The following ATP8A2 variants were observed in gnomAD, a reference collection of about 807,000 sequenced individuals.
ATP8A2 encodes the protein ATPase phospholipid transporting 8A2.
Under a neutral mutation model 165.6 loss-of-function variants are expected in ATP8A2, and 100 were observed. The observed-to-expected ratio is 0.60, with a 90% CI of 0.51 to 0.71. The LOEUF (loss-of-function observed/expected upper bound fraction) is 0.71, where lower values mean the gene tolerates loss of function less well. Among genes scored for constraint, ATP8A2 ranks in the 30% least tolerant of loss-of-function variants. The pLI is 0.00. For synonymous variants in ATP8A2, 543 were observed against 548.8 expected, an observed-to-expected ratio of 0.99 and a Z score of 0.15; for missense variants, 1,227 against 1,479.5, an observed-to-expected ratio of 0.83 and a Z score of 2.80.
chr13:26,001,427 G>C (rs1317497962), intron 35 of ATP8A2, among the ~76,000 whole-genome samples: 1 of 152,190 alleles, frequency 6.6e-6, no homozygotes, highest in East Asian at 1.9e-4. Flanking sequence ...AGATAATTCT[G>C]TGTCTAACTT....
intron 1 of ATP8A2, among the ~76,000 whole-genome samples, chr13:25,423,103 G>A (rs2034346941): frequency 1.3e-5 from 2 of 152,106 alleles, no homozygotes; most frequent in South Asian, 4.1e-4. Flanking sequence ...CATCATGACG[G>A]AAGGCATCAA....
chr13:25,534,785 T>A (rs1396621319), intron 6 of ATP8A2, among the ~76,000 whole-genome samples: 2 of 152,192 alleles, frequency 1.3e-5, no homozygotes, highest in African/African-American at 4.8e-5. Context: ...TTAAGGAGTT[T>A]CAAACTTCAG....
chr13:25,384,057 T>G (rs1235606388), intron 1 of ATP8A2, among the ~76,000 whole-genome samples: 3 of 152,172 alleles, frequency 2.0e-5, no homozygotes, highest in Non-Finnish European at 4.4e-5. Flanking sequence ...CTAAAAACGC[T>G]TTCATGTCAT....
rs376260478 is a variant in ATP8A2, at chr13:25,541,472, A to G, written c.652-447A>G. On this transcript the variant is annotated intron_variant, in intron 8 of 36. Coordinates refer to ENST00000381655, the MANE Select transcript of ATP8A2 (RefSeq NM_016529.6). ...CAGGATTTTGAGCCTTCAGTGAACC[A>G]TGATTGCACCACTGCCCTCCAGCCT... Among the ~76,000 whole-genome samples the G allele has an allele frequency of 1.3e-4, 20 of 152,248 alleles. No individual in the cohort carries two copies. In the East Asian group the frequency reaches 3.5e-3, roughly 27 times the overall value.
At chr13:25,928,528 C>T (rs1234135516) in intron 33 of ATP8A2, among the ~76,000 whole-genome samples, 2 of 152,092 alleles carry the variant, frequency 1.3e-5, no homozygotes, top group African/African-American at 2.4e-5. Flanking sequence ...CACGCAAATT[C>T]GAAAGCCAAC....
At chr13:25,508,416 C>T (rs1398666189) in intron 2 of ATP8A2, among the ~76,000 whole-genome samples, 2 of 151,990 alleles carry the variant, frequency 1.3e-5, no homozygotes, top group Non-Finnish European at 2.9e-5. Context: ...CATACAAAGC[C>T]TGGAAATAAA....
At chr13:25,926,081 G>T (rs1464111312) in intron 33 of ATP8A2, among the ~76,000 whole-genome samples, 1 of 152,150 alleles carries the variant, frequency 6.6e-6, no homozygotes, top group Non-Finnish European at 1.5e-5. Flanking sequence ...ATGTGGATCT[G>T]AGTGTATTTT....
chr13:25,915,619 C>T (rs913696509), intron 33 of ATP8A2, among the ~76,000 whole-genome samples: 1 of 152,176 alleles, frequency 6.6e-6, no homozygotes, highest in Non-Finnish European at 1.5e-5. Context: ...CTCTTGCCAG[C>T]GCTTCCCACT....
At chr13:25,844,959 A>G (rs1381966193) in intron 30 of ATP8A2, among the ~76,000 whole-genome samples, 1 of 152,216 alleles carries the variant, frequency 6.6e-6, no homozygotes, top group South Asian at 2.1e-4. Flanking sequence ...TATATCGTTC[A>G]TTCCCTAGAA....
chr13:25,796,004 C>T (rs1308768340), intron 27 of ATP8A2, among the ~76,000 whole-genome samples: 1 of 151,602 alleles, frequency 6.6e-6, no homozygotes, highest in African/African-American at 2.4e-5. Flanking sequence ...GGCTGGAGTG[C>T]AGTAGCACGA....
intron 25 of ATP8A2, among the ~76,000 whole-genome samples, chr13:25,740,416 A>G (rs2043886105): frequency 6.6e-6 from 1 of 151,852 alleles, no homozygotes; most frequent in Non-Finnish European, 1.5e-5. Flanking sequence ...AGATAAGGAG[A>G]TGGTAAGTCA....
At chr13:25,516,901 C>G (rs995289270) in intron 2 of ATP8A2, among the ~76,000 whole-genome samples, 1 of 151,766 alleles carries the variant, frequency 6.6e-6, no homozygotes, top group African/African-American at 2.4e-5. Flanking sequence ...CTGCCTCAGC[C>G]TTCCAGGTAG....
chr13:25,611,325 G>T (rs1428838290), intron 24 of ATP8A2, among the ~76,000 whole-genome samples: 1 of 151,950 alleles, frequency 6.6e-6, no homozygotes, highest in Non-Finnish European at 1.5e-5. Context: ...TCCCTTGTAT[G>T]CCGATTTTGC....
chr13:25,633,346 T>A (rs144343794), intron 24 of ATP8A2, among the ~76,000 whole-genome samples: 225 of 152,260 alleles, frequency 1.5e-3, no homozygotes, highest in African/African-American at 5.1e-3. Context: ...TTGTATAGTA[T>A]GATTTCTCAG....
At chr13:25,962,847 T>C (rs1158196848) in intron 34 of ATP8A2, among the ~76,000 whole-genome samples, 1 of 152,208 alleles carries the variant, frequency 6.6e-6, no homozygotes, top group Non-Finnish European at 1.5e-5. Context: ...TGACAACCGA[T>C]GATACCTCAT....
intron 1 of ATP8A2, among the ~76,000 whole-genome samples, chr13:25,465,748 C>CCTCCCT (rs747184058): frequency 9.2e-4 from 4 of 4,338 alleles, no homozygotes; most frequent in African/African-American, 1.4e-3. Flanking sequence ...TCCCTCCCTC[C>CCTCCCT]CTCTCTCTCT....
chr13:25,941,181 C>A (rs1955061200), intron 33 of ATP8A2, among the ~76,000 whole-genome samples: 1 of 152,172 alleles, frequency 6.6e-6, no homozygotes, highest in East Asian at 1.9e-4. Context: ...GGGGACACTT[C>A]CCCCTCCCAT....
intron 26 of ATP8A2, 54 bp downstream of exon 26, chr13:25,769,283 C>T: frequency 3.2e-6 from 5 of 1,544,614 alleles, no homozygotes; most frequent in East Asian, 2.3e-5. Flanking sequence ...GATAGCTGGG[C>T]ATGAGGACCT....
At position 25,794,820 on chromosome 13, in the gene ATP8A2, TACACACACAC is replaced by T. The variant is rs3053488; in HGVS notation, c.2679+19892_2679+19901del. Among the ~76,000 whole-genome samples, 693 of 139,604 alleles carry T rather than the reference TACACACACAC, an allele frequency of 5.0e-3. 2 individuals are homozygous for T. Among genetic ancestry groups the T allele is most frequent in the African/African-American group, 0.014 (507 of 37,204 alleles). The allele number at this position is 139,604 out of a possible 152,430, so 91.6% of individuals were successfully genotyped here. On this transcript the variant is annotated intron_variant, in intron 27 of 36. Coordinates refer to ENST00000381655, the MANE Select transcript of ATP8A2 (RefSeq NM_016529.6). ...TTCTGCCCCAACGCATTCCCTCTCC[TACACACACAC>T]ACACACACACACACACACACACACA...
Sources: gnomAD v4.1 joint callset for allele counts (sites outside exome capture counted in the v4.1 genomes callset) on GRCh38, gnomAD v4.1.1 for gene constraint, MANE v1.5 for transcripts, NCBI Gene and HGNC (gene_info 2026-07-23, HGNC 2026-07-21) for gene names.